Variants in RBM20 observed in about 807,000 individuals in gnomAD.
RBM20 encodes RNA binding motif protein 20, also known as RNA-binding protein 20.
In RBM20, 51 loss-of-function variants were observed where a neutral mutation model predicts 110.1. That is an observed-to-expected ratio of 0.46 (90% CI 0.37 to 0.59). The LOEUF is 0.59. Ranked by LOEUF, RBM20 falls within the 20% of genes least tolerant of loss-of-function variation. RBM20 has a pLI of 0.00. For synonymous variants in RBM20, 589 were observed against 618.2 expected (o/e 0.95, Z 0.70); for missense variants, 1,512 against 1,574.9 (o/e 0.96, Z 0.68).
upstream of RBM20, among the ~76,000 whole-genome samples, chr10:110,643,873 C>T (rs1034873376): frequency 6.6e-6 from 1 of 152,192 alleles, no homozygotes; most frequent in African/African-American, 2.4e-5. Context: ...GATGCCAGGC[C>T]CGGCACACTT....
chr10:110,695,382 C>T (rs1430653790), intron 1 of RBM20, among the ~76,000 whole-genome samples: 4 of 152,186 alleles, frequency 2.6e-5, no homozygotes, highest in African/African-American at 2.4e-5. Context: ...CTGAATATGT[C>T]GGAAGGTGGC....
rs1844750913 is a variant in RBM20, at chr10:110,810,470, C to T, written c.1880+8C>T. On this transcript the variant is annotated splice_region_variant and intron_variant, in intron 8 of 13. Coordinates refer to ENST00000369519, the MANE Select transcript of RBM20 (RefSeq NM_001134363.3). ...GTTCCGGGAAGCAGACAGGTGAGGC[C>T]CCAAGCCCCAAGTCTCCAGGCAGGT... 6.5e-6 allele frequency: 10 copies of T among 1,546,234 alleles called. No individual in the cohort carries two copies. Among genetic ancestry groups the T allele is most frequent in the Non-Finnish European group, 8.8e-6 (10 of 1,142,344 alleles).
intron 7 of RBM20, among the ~76,000 whole-genome samples, chr10:110,801,691 GC>G (rs765543928): frequency 3.6e-5 from 5 of 137,538 alleles, no homozygotes; most frequent in Non-Finnish European, 7.6e-5. Flanking sequence ...ACACCACCAT[GC>G]CTGGCTACTT....
chr10:110,683,599 CG>C (rs1445555177), intron 1 of RBM20, among the ~76,000 whole-genome samples: 1 of 152,088 alleles, frequency 6.6e-6, no homozygotes, highest in African/African-American at 2.4e-5. Context: ...AGAGTTAAAG[CG>C]AATTGAGTTT....
chr10:110,779,369 G>C (rs1298208132), intron 1 of RBM20, among the ~76,000 whole-genome samples: 1 of 152,152 alleles, frequency 6.6e-6, no homozygotes, highest in African/African-American at 2.4e-5. Flanking sequence ...TCCTGGAGAG[G>C]GGGGTGCCCG....
intron 1 of RBM20, among the ~76,000 whole-genome samples, chr10:110,665,720 AATTATTTATTCATGT>A (rs1862165746): frequency 6.6e-6 from 1 of 152,188 alleles, no homozygotes; most frequent in Non-Finnish European, 1.5e-5. Flanking sequence ...GAGGTTAAAG[AATTATTTATTCATGT>A]ATTATTTATT....
chr10:110,665,242 C>G (rs1221303691), intron 1 of RBM20, among the ~76,000 whole-genome samples: 1 of 152,042 alleles, frequency 6.6e-6, no homozygotes, highest in African/African-American at 2.4e-5. Context: ...ATTTTGCAAC[C>G]CCTGGTGAAT....
At chr10:110,779,025 A>G (rs537687657) in intron 1 of RBM20, among the ~76,000 whole-genome samples, 1 of 152,374 alleles carries the variant, frequency 6.6e-6, no homozygotes, top group South Asian at 2.1e-4. Flanking sequence ...TTGAGAGCTC[A>G]GTTGAAGGGA....
At chr10:110,662,741 C>G (rs1048006976) in intron 1 of RBM20, among the ~76,000 whole-genome samples, 1 of 152,158 alleles carries the variant, frequency 6.6e-6, no homozygotes. Context: ...TTTGCAATAG[C>G]AAAAGACTGG....
chr10:110,838,648 C>G lies in RBM20; in HGVS notation c.*2670C>G, dbSNP rs1443042806. On this transcript the variant is annotated 3_prime_UTR_variant, in exon 14 of 14. Coordinates refer to ENST00000369519, the MANE Select transcript of RBM20 (RefSeq NM_001134363.3). ...TCATTCCACTCCACCCTGGCCTTCC[C>G]CCACCCCCCATCCCCAGCAGCATTT... 1 of 152,000 alleles carries G rather than the reference C, an allele frequency of 6.6e-6. No individual in the cohort carries two copies. The highest frequency in any genetic ancestry group is 1.9e-4 in the East Asian group (1 of 5,188). 9.4% of individuals were successfully genotyped at this position (152,000 alleles called of 1,614,324 possible).
chr10:110,810,794 C>CGTGTGTGT (rs111830546), intron 8 of RBM20, among the ~76,000 whole-genome samples: 1 of 147,300 alleles, frequency 6.8e-6, no homozygotes, highest in Non-Finnish European at 1.5e-5. Context: ...AAAAGTAATG[C>CGTGTGTGT]GTGTGTGTGT....
At chr10:110,655,522 A>G (rs1259825794) in intron 1 of RBM20, among the ~76,000 whole-genome samples, 1 of 152,172 alleles carries the variant, frequency 6.6e-6, no homozygotes, top group African/African-American at 2.4e-5. Context: ...GTGTCTGCCA[A>G]CTTCCACCAG....
chr10:110,660,176 A>G (rs1271225535), intron 1 of RBM20, among the ~76,000 whole-genome samples: 1 of 152,140 alleles, frequency 6.6e-6, no homozygotes, highest in Non-Finnish European at 1.5e-5. Context: ...ATACTGCTTT[A>G]TTATTGCCTT....
At chr10:110,734,102 C>A (rs1417898902) in intron 1 of RBM20, among the ~76,000 whole-genome samples, 1 of 152,198 alleles carries the variant, frequency 6.6e-6, no homozygotes, top group Admixed American at 6.5e-5. Flanking sequence ...GACATTCTGT[C>A]TTGAATTATT....
Position 110,797,576 on chromosome 10 carries a change from G to T in RBM20, c.1596G>T (p.Glu532Asp). ...ATCTCCCTGAAGGAAGCTGCACTGA[G>T]AATGACGTCATTAACCTGGGGCTGC... ...ICNLPEGSCT[E>D]NDVINLGLPF... Residue 532 changes from glutamate (E) to aspartate (D), a missense_variant, in exon 6 of 14, where the codon GAG becomes GAT. By Grantham distance (45) the Glu-to-Asp change is conservative. Around this residue, in one of 3 missense-constraint regions of RBM20, gnomAD observed 1,149 missense variants for 1,169.4 expected, o/e 0.98. Transcript: ENST00000369519. The T allele has an allele frequency of 6.4e-7, 1 of 1,551,696 alleles. No individual in the cohort carries two copies. The highest frequency in any genetic ancestry group is 2.0e-5 in the Admixed American group (1 of 50,998).
chr10:110,782,738 C>G (rs573309862), intron 2 of RBM20, among the ~76,000 whole-genome samples: 1 of 152,258 alleles, frequency 6.6e-6, no homozygotes, highest in Non-Finnish European at 1.5e-5. Flanking sequence ...AAACACTGGG[C>G]TGTCCTGCCT....
chr10:110,700,393 C>A (rs984286485), intron 1 of RBM20, among the ~76,000 whole-genome samples: 2 of 152,150 alleles, frequency 1.3e-5, no homozygotes, highest in Non-Finnish European at 1.5e-5. Flanking sequence ...GAATTGGCAA[C>A]CTTTTATGAC....
chr10:110,651,694 G>A lies in RBM20; in HGVS notation c.191+7049G>A, dbSNP rs550804223. 1.6e-3 allele frequency among the ~76,000 whole-genome samples: 240 copies of A among 152,314 alleles called. 1 individual carries two copies. The highest frequency in any genetic ancestry group is 3.4e-3 in the Middle Eastern group (1 of 294). On this transcript the variant is annotated intron_variant, in intron 1 of 13. Coordinates refer to ENST00000369519, the MANE Select transcript of RBM20 (RefSeq NM_001134363.3). ...TGGCTACTGCAGGGACTCCTGAACC[G>A]TGACGCACAGTCAGTTGGCCGCAGA... is the stretch of plus-strand genomic sequence containing the variant.
chr10:110,676,168 G>A (rs36029646), intron 1 of RBM20, among the ~76,000 whole-genome samples: 42,028 of 152,150 alleles, frequency 0.28, 6,501 homozygotes, highest in Middle Eastern at 0.4. Context: ...CCCAGAGGGT[G>A]AAACCAGGAC....
Sources: gnomAD v4.1 joint callset for allele counts (sites outside exome capture counted in the v4.1 genomes callset) on GRCh38, gnomAD v4.1.1 for gene constraint, gnomAD v4.1.1 regional missense constraint, MANE v1.5 for transcripts, NCBI Gene and HGNC (gene_info 2026-07-23, HGNC 2026-07-21) for gene names.